The following PITPNB variants were observed in gnomAD, a reference collection of about 807,000 sequenced individuals.
PITPNB encodes the protein phosphatidylinositol transfer protein beta isoform.
Under a neutral mutation model 45.9 loss-of-function variants are expected in PITPNB, and 16 were observed. The observed-to-expected ratio is 0.35, with a 90% confidence interval of 0.24 to 0.53. PITPNB has a LOEUF of 0.53. Ranked by LOEUF, PITPNB falls within the 20% of genes least tolerant of loss-of-function variation. PITPNB has a pLI of 0.93. For synonymous variants in PITPNB, 112 were observed against 108.9 expected (o/e 1.03, Z -0.18); for missense variants, 188 against 330.5 (o/e 0.57, Z 3.34).
chr22:27,882,430 GCC>G (rs1934999724), intron 7 of PITPNB, among the ~76,000 whole-genome samples: 2 of 152,172 alleles, frequency 1.3e-5, no homozygotes, highest in Admixed American at 1.3e-4. Context: ...GTATATTCCT[GCC>G]CTCAACTAAA....
chr22:27,891,381 C>T (rs1170395835), intron 7 of PITPNB, among the ~76,000 whole-genome samples: 2 of 152,150 alleles, frequency 1.3e-5, no homozygotes, highest in African/African-American at 4.8e-5. Flanking sequence ...TGTGTTTAGT[C>T]CCCAGACAAT....
intron 8 of PITPNB, among the ~76,000 whole-genome samples, chr22:27,870,455 C>T (rs1354082174): frequency 6.6e-6 from 1 of 152,142 alleles, no homozygotes; most frequent in East Asian, 1.9e-4. Flanking sequence ...ACTGGTAAGG[C>T]AGGTTTCTGC....
chr22:27,857,412 A>G (rs1934203892), intron 10 of PITPNB, among the ~76,000 whole-genome samples: 2 of 152,204 alleles, frequency 1.3e-5, no homozygotes, highest in Admixed American at 6.5e-5. Context: ...GTAATCACCA[A>G]AAGTAAGCAA....
rs1213861281 is a variant in PITPNB, at chr22:27,873,922, T to C, written c.457-107A>G. ...ACCAAAACACAGGACAGAAATCAAT[T>C]AGACTCACTGTGCTTTTGCGTAAAA... On this transcript the variant is annotated intron_variant, in intron 7 of 11. Coordinates refer to ENST00000335272, the MANE Select transcript of PITPNB (RefSeq NM_012399.5). 7.0e-6 allele frequency: 5 copies of C among 718,890 alleles called. No individual in the cohort carries two copies. The African/African-American group carries it at 8.7e-5, about 13-fold the overall frequency. The allele number at this position is 718,890 out of a possible 1,614,324, so 44.5% of individuals were successfully genotyped here. A position where few individuals can be genotyped will look rare whatever the true frequency, so the allele number is the denominator to read the frequency against.
intron 3 of PITPNB, among the ~76,000 whole-genome samples, chr22:27,906,157 C>T (rs1935752897): frequency 6.6e-6 from 1 of 152,046 alleles, no homozygotes; most frequent in Admixed American, 6.5e-5. Flanking sequence ...CTGAGGTGTA[C>T]TCAGAAAACC....
Position 27,911,121 on chromosome 22 carries a change from A to G in PITPNB, c.52-12T>C. 1 of 1,607,932 alleles carries G rather than the reference A, an allele frequency of 6.2e-7. No homozygotes were observed. The highest frequency in any genetic ancestry group is 1.1e-5 in the South Asian group (1 of 90,922). On this transcript the variant is annotated splice_polypyrimidine_tract_variant and intron_variant, in intron 2 of 11. Transcript: ENST00000335272. ...TGCCCAACCTGATACTGAAATTTCAAAGAATACAGAAACTGAGTAAGTCAG... is the reference window on the plus strand; with the variant it reads ...TGCCCAACCTGATACTGAAATTTCAGAGAATACAGAAACTGAGTAAGTCAG...
At chr22:27,916,811 T>C (rs1172643892) in intron 1 of PITPNB, among the ~76,000 whole-genome samples, 1 of 151,790 alleles carries the variant, frequency 6.6e-6, no homozygotes, top group Non-Finnish European at 1.5e-5. Flanking sequence ...AAAAAAAACA[T>C]AAAAATAAAA....
chr22:27,903,777 C>CAAA (rs58453570), intron 3 of PITPNB, among the ~76,000 whole-genome samples: 96 of 84,180 alleles, frequency 1.1e-3, no homozygotes, highest in Non-Finnish European at 1.6e-3. Context: ...CCCTGTCTCC[C>CAAA]AAAAAAAAAA....
intron 7 of PITPNB, among the ~76,000 whole-genome samples, chr22:27,881,748 TGA>T (rs367671837): frequency 2.5e-3 from 380 of 151,728 alleles, no homozygotes; most frequent in African/African-American, 8.0e-3. Flanking sequence ...TTGAAAGCTG[TGA>T]GAGAGAACCA....
At chr22:27,865,100 T>A (rs1344763178) in intron 8 of PITPNB, among the ~76,000 whole-genome samples, 2 of 152,166 alleles carry the variant, frequency 1.3e-5, no homozygotes, top group Non-Finnish European at 2.9e-5. Flanking sequence ...TAATAGTAAT[T>A]AAATGAGACT....
intron 7 of PITPNB, among the ~76,000 whole-genome samples, chr22:27,889,293 C>T (rs1462660088): frequency 6.6e-6 from 1 of 152,104 alleles, no homozygotes; most frequent in African/African-American, 2.4e-5. Flanking sequence ...TCAGATGGTA[C>T]ACCTGTACCT....
intron 8 of PITPNB, among the ~76,000 whole-genome samples, chr22:27,862,356 AATT>A (rs1426331204): frequency 1.3e-5 from 2 of 152,116 alleles, no homozygotes; most frequent in African/African-American, 4.8e-5. Flanking sequence ...CTATATGAAA[AATT>A]ATTATCTTGG....
intron 7 of PITPNB, among the ~76,000 whole-genome samples, chr22:27,888,072 T>G (rs1209286451): frequency 6.6e-6 from 1 of 152,208 alleles, no homozygotes; most frequent in Non-Finnish European, 1.5e-5. Flanking sequence ...TGATAGTCCA[T>G]ACATAACTAA....
At chr22:27,855,628 A>G (rs1934150815) in intron 10 of PITPNB, among the ~76,000 whole-genome samples, 1 of 152,232 alleles carries the variant, frequency 6.6e-6, no homozygotes, top group African/African-American at 2.4e-5. Context: ...CCGGAACCGG[A>G]GGTGCCAGTT....
intron 4 of PITPNB, 36 bp downstream of exon 4, chr22:27,897,765 T>C (rs774048562): frequency 6.2e-6 from 8 of 1,288,376 alleles, no homozygotes; most frequent in Non-Finnish European, 3.4e-6. Flanking sequence ...ATTCTCAGGG[T>C]GGAGGGGTGC....
chr22:27,889,365 C>T (rs149757255), intron 7 of PITPNB, among the ~76,000 whole-genome samples: 379 of 152,204 alleles, frequency 2.5e-3, no homozygotes, highest in African/African-American at 7.9e-3. Flanking sequence ...GTACCCACTA[C>T]ATTTCAGACA....
chr22:27,912,409 G>T (rs1935952210), intron 2 of PITPNB, among the ~76,000 whole-genome samples: 1 of 152,072 alleles, frequency 6.6e-6, no homozygotes, highest in Non-Finnish European at 1.5e-5. Context: ...ACAACACTAG[G>T]GTTAGTCTAA....
chr22:27,876,525 G>A (rs1435336560), intron 7 of PITPNB, among the ~76,000 whole-genome samples: 2 of 152,190 alleles, frequency 1.3e-5, no homozygotes, highest in Non-Finnish European at 2.9e-5. Flanking sequence ...GTTTGAATAT[G>A]AAGAATACGT....
chr22:27,908,614 T>G (rs1470005870), intron 3 of PITPNB, among the ~76,000 whole-genome samples: 1 of 152,076 alleles, frequency 6.6e-6, no homozygotes, highest in African/African-American at 2.4e-5. Context: ...AGAGGAACTT[T>G]TATATGTGGT....
Sources: gnomAD v4.1 joint callset for allele counts (sites outside exome capture counted in the v4.1 genomes callset) on GRCh38, gnomAD v4.1.1 for gene constraint, MANE v1.5 for transcripts, NCBI Gene and HGNC (gene_info 2026-07-23, HGNC 2026-07-21) for gene names.